The following KCNK2 variants were observed in gnomAD, a reference collection of about 807,000 sequenced individuals.
KCNK2 encodes the protein potassium two pore domain channel subfamily K member 2.
A neutral mutation model predicts 40.5 loss-of-function variants in KCNK2; 21 were observed. The observed-to-expected ratio is 0.52, with a 90% CI of 0.37 to 0.75. The LOEUF (loss-of-function observed/expected upper bound fraction) is 0.75. Among genes scored for constraint, KCNK2 ranks in the 30% least tolerant of loss-of-function variants. The pLI, the probability that KCNK2 is intolerant of heterozygous loss-of-function variation, is 0.00. For synonymous variants in KCNK2, 191 were observed against 202.2 expected, an observed-to-expected ratio of 0.94 and a Z score of 0.47; for missense variants, 399 against 531.6, an observed-to-expected ratio of 0.75 and a Z score of 2.45.
chr1:215,213,132 T>G (rs910014243), intron 6 of KCNK2, among the ~76,000 whole-genome samples: 1 of 152,156 alleles, frequency 6.6e-6, no homozygotes, highest in African/African-American at 2.4e-5. Flanking sequence ...TTTTATATAG[T>G]TTTACATCAA....
chr1:215,078,219 C>T (rs549742052), upstream of KCNK2, among the ~76,000 whole-genome samples: 3 of 152,260 alleles, frequency 2.0e-5, no homozygotes, highest in Admixed American at 6.5e-5. Flanking sequence ...GCCTGCAGGC[C>T]GCAGGCTGGA....
intron 2 of KCNK2, among the ~76,000 whole-genome samples, chr1:215,122,859 C>A (rs1179274681): frequency 1.3e-5 from 2 of 151,488 alleles, no homozygotes; most frequent in East Asian, 3.9e-4. Flanking sequence ...ATTCTCCTGC[C>A]TCCACCTCCC....
chr1:215,225,942 G>A (rs559865310), intron 6 of KCNK2, among the ~76,000 whole-genome samples: 11 of 152,246 alleles, frequency 7.2e-5, no homozygotes, highest in Non-Finnish European at 1.2e-4. Flanking sequence ...TTATAAATGA[G>A]CTTACTGTAA....
intron 1 of KCNK2, 21 bp from the exon 2 acceptor site, chr1:215,086,347 C>G: frequency 6.2e-7 from 1 of 1,603,742 alleles, no homozygotes; most frequent in East Asian, 2.2e-5. Flanking sequence ...CAACCTAACC[C>G]TCATTCTCTG....
intron 1 of KCNK2, among the ~76,000 whole-genome samples, chr1:215,021,020 A>T (rs1656768086): frequency 6.6e-6 from 1 of 152,138 alleles, no homozygotes; most frequent in Non-Finnish European, 1.5e-5. Flanking sequence ...AATAATTCAA[A>T]TTTTTTAAAT....
chr1:215,075,986 C>CT (rs1309118128), intron 1 of KCNK2, among the ~76,000 whole-genome samples: 1 of 152,200 alleles, frequency 6.6e-6, no homozygotes, highest in Non-Finnish European at 1.5e-5. Flanking sequence ...AATCTGTGCT[C>CT]TAACGATCCC....
At chr1:215,148,250 T>G (rs555855141) in intron 3 of KCNK2, among the ~76,000 whole-genome samples, 1 of 151,768 alleles carries the variant, frequency 6.6e-6, no homozygotes, top group East Asian at 2.0e-4. Context: ...TGGCTAATTT[T>G]TTTTTTCAAA....
At chr1:215,131,018 G>A (rs1427712984) in intron 3 of KCNK2, among the ~76,000 whole-genome samples, 3 of 151,092 alleles carry the variant, frequency 2.0e-5, no homozygotes, top group African/African-American at 4.9e-5. Context: ...CCGCCACTGC[G>A]CCCGGCTAAT....
At chr1:215,011,080 A>T (rs1395789906) in intron 1 of KCNK2, among the ~76,000 whole-genome samples, 1 of 151,646 alleles carries the variant, frequency 6.6e-6, no homozygotes, top group Non-Finnish European at 1.5e-5. Context: ...GTATAGTTCT[A>T]TGAGTTTTGA....
chr1:215,227,889 G>A (rs529884015), intron 6 of KCNK2, among the ~76,000 whole-genome samples: 6 of 152,070 alleles, frequency 3.9e-5, no homozygotes, highest in African/African-American at 1.2e-4. Flanking sequence ...TCAGTAAGAG[G>A]AGGAGCAAGG....
chr1:215,154,167 C>T (rs2102616178), intron 3 of KCNK2, among the ~76,000 whole-genome samples: 1 of 152,298 alleles, frequency 6.6e-6, no homozygotes, highest in South Asian at 2.1e-4. Flanking sequence ...TGAGGAATCG[C>T]CACACTGTCT....
intron 2 of KCNK2, 72 bp from the exon 3 acceptor site, chr1:215,124,561 G>A: frequency 1.2e-6 from 1 of 857,338 alleles, no homozygotes. Context: ...GTCATTTCTG[G>A]GGTGGAATAT....
chr1:215,030,547 T>C (rs184466402), intron 1 of KCNK2, among the ~76,000 whole-genome samples: 15 of 152,162 alleles, frequency 9.9e-5, no homozygotes, highest in Admixed American at 8.5e-4. Context: ...CTATCTTTTT[T>C]TTTTTGAGAC....
intron 3 of KCNK2, among the ~76,000 whole-genome samples, chr1:215,131,154 C>A (rs1661658833): frequency 6.6e-6 from 1 of 151,626 alleles, no homozygotes; most frequent in South Asian, 2.1e-4. Context: ...GCCACCGCGC[C>A]CAGCAAGTTT....
chr1:215,105,970 C>T (rs574893134), intron 2 of KCNK2, among the ~76,000 whole-genome samples: 14 of 152,052 alleles, frequency 9.2e-5, no homozygotes, highest in Non-Finnish European at 1.9e-4. Context: ...ATATGTACCA[C>T]ATTTTTCTTA....
intron 2 of KCNK2, among the ~76,000 whole-genome samples, chr1:215,116,318 C>T (rs557897291): frequency 2.6e-5 from 4 of 151,944 alleles, no homozygotes; most frequent in East Asian, 1.9e-4. Flanking sequence ...TTTTAGGAAC[C>T]GTGACTGATT....
chr1:215,162,804 A>G (rs921571316), intron 3 of KCNK2, among the ~76,000 whole-genome samples: 5 of 150,756 alleles, frequency 3.3e-5, no homozygotes, highest in African/African-American at 1.2e-4. Context: ...TGGTACCAGT[A>G]CCATGCTGTT....
chr1:215,174,377 T>G (rs1247743419), intron 5 of KCNK2, among the ~76,000 whole-genome samples: 1 of 152,210 alleles, frequency 6.6e-6, no homozygotes, highest in African/African-American at 2.4e-5. Flanking sequence ...ATTGTAGCCT[T>G]GTAGTATAGT....
chr1:215,213,345 A>C (rs562650534), intron 6 of KCNK2, among the ~76,000 whole-genome samples: 1 of 152,196 alleles, frequency 6.6e-6, no homozygotes, highest in Non-Finnish European at 1.5e-5. Context: ...GCAGTGGCTC[A>C]CGCCTGTAAT....
Sources: allele counts gnomAD v4.1 joint callset (sites outside exome capture counted in the v4.1 genomes callset), GRCh38; gene constraint gnomAD v4.1.1; transcripts MANE v1.5; gene names NCBI Gene and HGNC (gene_info 2026-07-23, HGNC 2026-07-21).